PAXIP1: variants seen among roughly 807,000 people sequenced by gnomAD.
The protein encoded by PAXIP1 is PAX interacting protein 1.
In PAXIP1, 19 loss-of-function variants were observed where a neutral mutation model predicts 140.6. The observed-to-expected ratio is 0.14, with a 90% CI of 0.09 to 0.20. The LOEUF (loss-of-function observed/expected upper bound fraction) is 0.20. PAXIP1 is among the 10% of genes least tolerant of loss of function. The probability of loss-of-function intolerance (pLI) is 1.00; values close to 1 mark genes in which losing one functional copy is unlikely to be tolerated. For synonymous variants in PAXIP1, 442 were observed against 444.6 expected, an observed-to-expected ratio of 0.99 and a Z score of 0.07; for missense variants, 920 against 1,208.6, an observed-to-expected ratio of 0.76 and a Z score of 3.54.
intron 13 of PAXIP1, among the ~76,000 whole-genome samples, chr7:154,958,090 G>C (rs1481307240): frequency 6.6e-6 from 1 of 151,656 alleles, no homozygotes; most frequent in African/African-American, 2.4e-5. Context: ...GATGTTACAT[G>C]ACAATCAGAT....
At chr7:154,999,032 A>T (rs1810768269) in intron 1 of PAXIP1, among the ~76,000 whole-genome samples, 1 of 152,260 alleles carries the variant, frequency 6.6e-6, no homozygotes. Flanking sequence ...TGAGTCCAGT[A>T]GTGGACATGG....
intron 5 of PAXIP1, among the ~76,000 whole-genome samples, chr7:154,981,103 A>ATGC (rs965739450): frequency 3.2e-4 from 49 of 152,228 alleles, no homozygotes; most frequent in African/African-American, 1.0e-3. Context: ...CCTGGGCGAC[A>ATGC]GAGTGAGACT....
chr7:154,966,842 A>C (rs528028329), intron 8 of PAXIP1, among the ~76,000 whole-genome samples: 1 of 152,330 alleles, frequency 6.6e-6, no homozygotes, highest in African/African-American at 2.4e-5. Context: ...CTTGGAAGAC[A>C]CACCAGCCCT....
Position 154,954,904 on chromosome 7 carries a change from T to G in PAXIP1, c.2653-481A>C, listed in dbSNP as rs184364678. Among the ~76,000 whole-genome samples, 5 of 152,342 alleles carry G rather than the reference T, an allele frequency of 3.3e-5. No individual in the cohort carries two copies. The East Asian group carries it at 9.7e-4, about 29-fold the overall frequency. ...TCCTCACATTTTAAAGGTGGAGAAATTAATTTGTTCTAAATGTATAATACT... is the reference window on the plus strand; with the variant it reads ...TCCTCACATTTTAAAGGTGGAGAAAGTAATTTGTTCTAAATGTATAATACT... On this transcript the variant is annotated intron_variant, in intron 15 of 20. Transcript: ENST00000404141. The surrounding 1 kb of genome is among the most constrained non-coding windows in gnomAD (Gnocchi z 5.1).
chr7:154,993,417 T>C (rs1369633346), intron 3 of PAXIP1, among the ~76,000 whole-genome samples: 2 of 152,226 alleles, frequency 1.3e-5, no homozygotes, highest in Admixed American at 6.5e-5. Context: ...TTGATTCACA[T>C]AGACTTAGAA....
In PAXIP1 at chr7:154,963,380, T is replaced by G. The variant is rs955979223; in HGVS notation, c.1989+291A>C. ...TAGTAGAGACAGGATTTCACCAGGTTGGTCAGGCTGGTCTCAAACGCCTGA... is the reference window on the plus strand; with the variant it reads ...TAGTAGAGACAGGATTTCACCAGGTGGGTCAGGCTGGTCTCAAACGCCTGA... On this transcript the variant is annotated intron_variant, in intron 9 of 20. Transcript: ENST00000404141. This position sits in a 1 kb window ranked among gnomAD's most constrained non-coding sequence, Gnocchi z 4.1. Among the ~76,000 whole-genome samples, 1 of 152,070 alleles carries G rather than the reference T, an allele frequency of 6.6e-6. No homozygotes were observed. The highest frequency in any genetic ancestry group is 1.5e-5 in the Non-Finnish European group (1 of 68,016).
intron 17 of PAXIP1, chr7:154,947,443 T>C (rs1034511591): frequency 6.4e-6 from 1 of 157,188 alleles, no homozygotes; most frequent in Non-Finnish European, 1.4e-5. Flanking sequence ...CTAACACTTA[T>C]CTAACATTTA....
chr7:154,990,759 AT>A (rs980004875), intron 4 of PAXIP1, among the ~76,000 whole-genome samples: 1 of 152,058 alleles, frequency 6.6e-6, no homozygotes, highest in Admixed American at 6.5e-5. Flanking sequence ...CATTTTTAAT[AT>A]TTTTTCATAT....
chr7:154,968,481 G>A lies in PAXIP1; in HGVS notation c.1720C>T (p.Pro574Ser), dbSNP rs982741915. Residue 574 changes from proline (P) to serine (S), a missense_variant, in exon 7 of 21, where the codon CCG becomes TCG. Around this residue, in one of 5 missense-constraint regions of PAXIP1, gnomAD observed 133 missense variants for 88.4 expected, o/e 1.50. Coordinates refer to ENST00000404141, the MANE Select transcript of PAXIP1 (RefSeq NM_007349.4). The stretch of plus-strand genomic sequence containing the variant: ...GGCTGCTGTTGCTGCTGCTGCTGCG[G>A]GGGCTGCTGAGGTGGAACCTGATGC... ...LQHQVPPQQPPQQQQQQQPPP... is the reference protein window; with the variant it reads ...LQHQVPPQQPSQQQQQQQPPP... The A allele has an allele frequency of 8.1e-7, 1 of 1,238,368 alleles. No homozygotes were observed. Among genetic ancestry groups the A allele is most frequent in the Non-Finnish European group, 1.2e-6 (1 of 860,902 alleles). The allele number at this position is 1,238,368 out of a possible 1,614,324, so 76.7% of individuals were successfully genotyped here.
chr7:154,991,107 T>C, intron 3 of PAXIP1, 38 bp from the exon 4 acceptor site: 1 of 1,095,094 alleles, frequency 9.1e-7, no homozygotes. Flanking sequence ...GAAATAAGAT[T>C]AGTGCAACCT....
chr7:154,950,214 A>G (rs1808211825), intron 16 of PAXIP1: 1 of 152,224 alleles, frequency 6.6e-6, no homozygotes, highest in African/African-American at 2.4e-5. Flanking sequence ...TGCTGGAACA[A>G]CTGCACATCC....
At chr7:154,974,352 G>C (rs1367160282) in intron 6 of PAXIP1, 1 of 152,278 alleles carries the variant, frequency 6.6e-6, no homozygotes, top group East Asian at 1.9e-4. Flanking sequence ...CAACTCAAAA[G>C]CCCAGTGGCT....
Position 154,957,264 on chromosome 7 carries a change from T to A in PAXIP1, c.2509A>T (p.Asn837Tyr). 6.2e-7 allele frequency: 1 copy of A among 1,607,850 alleles called. No homozygotes were observed. Residue 837 changes from asparagine to tyrosine, a missense_variant, in exon 14 of 21, where the codon AAT (asparagine) becomes TAT (tyrosine). Around this residue, in one of 5 missense-constraint regions of PAXIP1, gnomAD observed 303 missense variants for 517.9 expected, o/e 0.59. Transcript: ENST00000404141. ...SIRLPPKLKQ[N>Y]EVANVQPSSK... ...GAAGGCTGGACATTAGCTACTTCAT[T>A]CTGTTTCAGTTTGGGAGGTAGTCTT...
At position 154,993,719 on chromosome 7, in the gene PAXIP1, AG is replaced by A; in HGVS notation, c.260+6del. 6.3e-7 allele frequency: 1 copy of A among 1,589,038 alleles called. No individual in the cohort carries two copies. Among genetic ancestry groups the A allele is most frequent in the Non-Finnish European group, 8.6e-7 (1 of 1,166,978 alleles). ...TTCCCTCCTCCCCCACTCAAAAAAA[AG>A]GATACGGCAGAAGAGTTCCACACTG... On this transcript the variant is annotated splice_donor_region_variant and intron_variant, in intron 3 of 20. Coordinates refer to ENST00000404141, the MANE Select transcript of PAXIP1 (RefSeq NM_007349.4).
Position 154,989,845 on chromosome 7 carries a change from A to G in PAXIP1, c.324+1161T>C, listed in dbSNP as rs576394034. 2.6e-5 allele frequency among the ~76,000 whole-genome samples: 4 copies of G among 152,290 alleles called. No individual in the cohort carries two copies. In the East Asian group the frequency reaches 7.7e-4, roughly 29 times the overall value. On this transcript the variant is annotated intron_variant, in intron 4 of 20. Coordinates refer to ENST00000404141, the MANE Select transcript of PAXIP1 (RefSeq NM_007349.4). ...GTTTCCCATGTCTTTACAAGTTTTC[A>G]TAAAACAGAATTCAAAAATGGCTAA...
At position 154,946,114 on chromosome 7, in the gene PAXIP1, A is replaced by C; in HGVS notation, c.3194+251T>G. 1.0e-6 allele frequency: 1 copy of C among 974,308 alleles called. No individual in the cohort carries two copies. 60.4% of individuals were successfully genotyped at this position (974,308 alleles called of 1,614,324 possible). ...TTGTCAAATTCTTTAATACCTCCAT[A>C]AACTAGACAGTATAGATCCTTTCTA... On this transcript the variant is annotated intron_variant, in intron 20 of 20. Transcript: ENST00000404141. This position sits in a 1 kb window ranked among gnomAD's most constrained non-coding sequence, Gnocchi z 4.9.
At position 154,983,275 on chromosome 7, in the gene PAXIP1, A is replaced by G. The variant is rs1208059381; in HGVS notation, c.382T>C (p.Cys128Arg). 6.2e-7 allele frequency: 1 copy of G among 1,612,994 alleles called. No homozygotes were observed. The highest frequency in any genetic ancestry group is 1.1e-5 in the South Asian group (1 of 90,842). The change falls in exon 5 of 21, where the codon TGC becomes CGC. Residue 128 changes from cysteine (C) to arginine (R), a missense_variant. By Grantham distance (180) the Cys-to-Arg change is radical. Transcript: ENST00000404141. ...WALVTFYGGD[C>R]QLTLNKKCTH... Reference sequence around the variant, plus strand: ...CATTTCTTATTGAGGGTTAGCTGGCAATCTCCCCCATAGAACGTAACCAAA... The same window carrying G: ...CATTTCTTATTGAGGGTTAGCTGGCGATCTCCCCCATAGAACGTAACCAAA...
intron 8 of PAXIP1, chr7:154,965,855 C>T (rs1364279257): frequency 6.6e-6 from 1 of 152,276 alleles, no homozygotes; most frequent in Non-Finnish European, 1.5e-5. Context: ...GGGTGAGCAC[C>T]CCTAGGCCCC....
At position 154,944,103 on chromosome 7, in the gene PAXIP1, C is replaced by T. The variant is rs760743241; in HGVS notation, c.*46G>A. 3.5e-5 allele frequency: 56 copies of T among 1,606,852 alleles called. No individual in the cohort carries two copies. Among genetic ancestry groups the T allele is most frequent in the Non-Finnish European group, 4.5e-5 (53 of 1,174,882 alleles). Reference sequence around the variant, plus strand: ...AGCAGCTCCTCGCCAGCCAGACAGCCAGCCCCGCACCGCAGGAGTCGACAT... The same window carrying T: ...AGCAGCTCCTCGCCAGCCAGACAGCTAGCCCCGCACCGCAGGAGTCGACAT... On this transcript the variant is annotated 3_prime_UTR_variant, in exon 21 of 21. Transcript: ENST00000404141.
Sources: allele counts gnomAD v4.1 joint callset (sites outside exome capture counted in the v4.1 genomes callset), GRCh38; gene constraint gnomAD v4.1.1; regional missense constraint gnomAD v4.1.1; non-coding constraint Gnocchi (gnomAD v3.1); transcripts MANE v1.5; gene names NCBI Gene and HGNC (gene_info 2026-07-23, HGNC 2026-07-21).